Variants in EPHA6 observed in about 807,000 individuals in gnomAD.
EPHA6 encodes the protein EPH receptor A6.
EPHA6 carries 50 observed loss-of-function variants against 112.0 expected under a neutral mutation model. That is an observed-to-expected ratio of 0.45 (90% CI 0.36 to 0.56). The LOEUF is 0.56. Among genes scored for constraint, EPHA6 ranks in the 20% least tolerant of loss-of-function variants. The probability of loss-of-function intolerance (pLI) is 0.00; values close to 1 mark genes in which losing one functional copy is unlikely to be tolerated. For synonymous variants in EPHA6, 529 were observed against 490.7 expected (o/e 1.08, Z -1.03); for missense variants, 1,280 against 1,417.4 (o/e 0.90, Z 1.56).
intron 2 of EPHA6, among the ~76,000 whole-genome samples, chr3:96,974,041 A>T (rs2042422100): frequency 6.9e-6 from 1 of 145,714 alleles, no homozygotes. Flanking sequence ...TATTAATACA[A>T]TAAATATATA....
intron 2 of EPHA6, among the ~76,000 whole-genome samples, chr3:96,984,466 G>T (rs1256334309): frequency 2.0e-5 from 3 of 152,144 alleles, no homozygotes; most frequent in Non-Finnish European, 4.4e-5. Context: ...TGCCCCTACT[G>T]GGGGGTGCCT....
At chr3:97,065,166 G>A (rs1021427375) in intron 3 of EPHA6, among the ~76,000 whole-genome samples, 6 of 152,082 alleles carry the variant, frequency 3.9e-5, no homozygotes, top group South Asian at 2.1e-4. Context: ...AACAATGCAC[G>A]AGGAGATTCA....
chr3:97,589,641 T>C (rs1243777832), intron 11 of EPHA6, among the ~76,000 whole-genome samples: 2 of 152,124 alleles, frequency 1.3e-5, no homozygotes, highest in African/African-American at 4.8e-5. Context: ...ACTGGGAAAG[T>C]TATCATGAAA....
At chr3:97,119,344 T>A (rs923499727) in intron 3 of EPHA6, among the ~76,000 whole-genome samples, 3 of 152,054 alleles carry the variant, frequency 2.0e-5, no homozygotes, top group Non-Finnish European at 2.9e-5. Context: ...AAAATTATTA[T>A]GAGGAACACT....
At chr3:97,629,387 G>A (rs2093884873) in intron 13 of EPHA6, among the ~76,000 whole-genome samples, 1 of 151,968 alleles carries the variant, frequency 6.6e-6, no homozygotes, top group Non-Finnish European at 1.5e-5. Context: ...CATCAGACAT[G>A]CACATATATG....
chr3:96,861,783 A>G (rs2036022388), intron 1 of EPHA6, among the ~76,000 whole-genome samples: 1 of 152,014 alleles, frequency 6.6e-6, no homozygotes, highest in South Asian at 2.1e-4. Context: ...TACTAAACAA[A>G]TAATTGATCT....
intron 10 of EPHA6, among the ~76,000 whole-genome samples, chr3:97,490,559 T>A (rs960429191): frequency 1.1e-4 from 16 of 152,206 alleles, no homozygotes; most frequent in Admixed American, 1.0e-3. Context: ...GAAGGAAATT[T>A]GATCCCTATT....
chr3:97,190,724 A>G (rs1846805), intron 3 of EPHA6, among the ~76,000 whole-genome samples: 57,800 of 151,748 alleles, frequency 0.38, 15,129 homozygotes, highest in African/African-American at 0.74. Context: ...TTTTTTGTGG[A>G]GGGGAGCGGG....
At chr3:97,353,749 T>C (rs1365143955) in intron 5 of EPHA6, among the ~76,000 whole-genome samples, 2 of 152,052 alleles carry the variant, frequency 1.3e-5, no homozygotes, top group Non-Finnish European at 2.9e-5. Flanking sequence ...ACCATCTGCT[T>C]ACTGAAGAGC....
chr3:97,310,474 G>C (rs1418072700), intron 5 of EPHA6, among the ~76,000 whole-genome samples: 2 of 151,452 alleles, frequency 1.3e-5, no homozygotes, highest in Non-Finnish European at 3.0e-5. Flanking sequence ...ATTTTCACCT[G>C]TGGGGTATTT....
intron 11 of EPHA6, among the ~76,000 whole-genome samples, chr3:97,552,270 T>G (rs1183389058): frequency 1.3e-5 from 2 of 152,306 alleles, no homozygotes; most frequent in Non-Finnish European, 2.9e-5. Context: ...CTACTGGTTC[T>G]TTGGTGTAGT....
chr3:97,577,235 G>A (rs999276405), intron 11 of EPHA6, among the ~76,000 whole-genome samples: 1 of 152,078 alleles, frequency 6.6e-6, no homozygotes, highest in African/African-American at 2.4e-5. Context: ...ACGTAGAGTT[G>A]GAAGTTCTGG....
chr3:97,061,093 A>G, intron 3 of EPHA6, among the ~76,000 whole-genome samples: 1 of 152,168 alleles, frequency 6.6e-6, no homozygotes, highest in East Asian at 1.9e-4. Flanking sequence ...CAGACATTAC[A>G]AAATTAGGTA....
intron 14 of EPHA6, among the ~76,000 whole-genome samples, chr3:97,663,398 A>G (rs1387772372): frequency 2.0e-5 from 3 of 151,670 alleles, no homozygotes; most frequent in Admixed American, 6.6e-5. Flanking sequence ...GGTTTGTTAC[A>G]TATGTATACA....
chr3:97,099,710 C>T (rs2047347949), intron 3 of EPHA6, among the ~76,000 whole-genome samples: 2 of 151,862 alleles, frequency 1.3e-5, no homozygotes, highest in Non-Finnish European at 2.9e-5. Context: ...AAGCTCTCTC[C>T]ATCTTTCTTC....
intron 3 of EPHA6, among the ~76,000 whole-genome samples, chr3:97,035,136 C>G (rs1395009975): frequency 1.3e-5 from 2 of 151,884 alleles, no homozygotes; most frequent in Non-Finnish European, 2.9e-5. Context: ...CTATTAGAAG[C>G]ATGTGAAATA....
chr3:96,855,643 A>G, intron 1 of EPHA6, among the ~76,000 whole-genome samples: 1 of 152,040 alleles, frequency 6.6e-6, no homozygotes, highest in Non-Finnish European at 1.5e-5. Context: ...CATTAAAATA[A>G]TAGTTGAAAT....
chr3:97,256,785 A>T lies in EPHA6; in HGVS notation c.1606+12498A>T, dbSNP rs137953506. ...ATATAGTGAAATGTCATTTGTTGCT[A>T]GGATAATGCAGTTGTTACATAAATA... On this transcript the variant is annotated intron_variant, in intron 5 of 17. Coordinates refer to ENST00000389672, the MANE Select transcript of EPHA6 (RefSeq NM_001080448.3). Among the ~76,000 whole-genome samples the T allele has an allele frequency of 3.1e-3, 471 of 152,138 alleles. 2 individuals are homozygous for T. Among genetic ancestry groups the T allele is most frequent in the African/African-American group, 0.011 (451 of 41,562 alleles).
intron 5 of EPHA6, among the ~76,000 whole-genome samples, chr3:97,336,952 T>A (rs190862609): frequency 6.6e-6 from 1 of 151,768 alleles, no homozygotes; most frequent in Admixed American, 6.6e-5. Flanking sequence ...GAACAGTTAC[T>A]GTAACAGGAA....
Sources: allele counts gnomAD v4.1 joint callset (sites outside exome capture counted in the v4.1 genomes callset), GRCh38; gene constraint gnomAD v4.1.1; transcripts MANE v1.5; gene names NCBI Gene and HGNC (gene_info 2026-07-23, HGNC 2026-07-21).